RRP1B: variants seen among roughly 807,000 people sequenced by gnomAD.
The protein encoded by RRP1B is ribosomal RNA processing protein 1 homolog B.
RRP1B carries 56 observed loss-of-function variants against 80.2 expected under a neutral mutation model. That is an observed-to-expected ratio of 0.70 (90% confidence interval 0.56 to 0.87). The LOEUF (loss-of-function observed/expected upper bound fraction) is 0.87. RRP1B is among the 40% of genes least tolerant of loss of function. RRP1B has a pLI of 0.00. For synonymous variants in RRP1B, 351 were observed against 357.6 expected, an observed-to-expected ratio of 0.98 and a Z score of 0.21; for missense variants, 807 against 939.8, an observed-to-expected ratio of 0.86 and a Z score of 1.85.
chr21:43,691,610 C>T lies in RRP1B; in HGVS notation c.2083+108C>T. 1.2e-6 allele frequency: 1 copy of T among 805,786 alleles called. No homozygotes were observed. Among genetic ancestry groups the T allele is most frequent in the Non-Finnish European group, 2.1e-6 (1 of 480,502 alleles). The allele number at this position is 805,786 out of a possible 1,614,324, so 49.9% of individuals were successfully genotyped here. Reference sequence around the variant, plus strand: ...CGGTCGGGGAAGAGGGGGGTCCTAGCTCCTCACTGCCCATTTCTTTATTTT... The same window carrying T: ...CGGTCGGGGAAGAGGGGGGTCCTAGTTCCTCACTGCCCATTTCTTTATTTT... On this transcript the variant is annotated intron_variant, in intron 15 of 15. Coordinates refer to ENST00000340648, the MANE Select transcript of RRP1B (RefSeq NM_015056.3). This position sits in a 1 kb window ranked among gnomAD's most constrained non-coding sequence, Gnocchi z 4.2.
intron 8 of RRP1B, among the ~76,000 whole-genome samples, chr21:43,679,966 G>C (rs2083036872): frequency 6.6e-6 from 1 of 152,120 alleles, no homozygotes; most frequent in South Asian, 2.1e-4. Flanking sequence ...GTAGAAGGGA[G>C]TAAGTTCTTG....
chr21:43,684,458 T>G, intron 9 of RRP1B, 95 bp from the exon 10 acceptor site: 1 of 1,056,030 alleles, frequency 9.5e-7, no homozygotes. Context: ...TGCCAAATGC[T>G]TCAGTAAGGG....
rs532471501 is a variant in RRP1B, at chr21:43,663,732, A to AT, written c.130+3945dup. ...ACCACCATGCCCAGCTAATTTTTGT[A>AT]TTTTTTTAGTAGAGACAGGGTTTCA... is the stretch of plus-strand genomic sequence containing the variant. On this transcript the variant is annotated intron_variant, in intron 1 of 15. Coordinates refer to ENST00000340648, the MANE Select transcript of RRP1B (RefSeq NM_015056.3). Among the ~76,000 whole-genome samples the AT allele has an allele frequency of 1.6e-3, 240 of 147,250 alleles. 2 individuals carry two copies. Among genetic ancestry groups the AT allele is most frequent in the African/African-American group, 5.7e-3 (224 of 39,586 alleles).
intron 2 of RRP1B, among the ~76,000 whole-genome samples, chr21:43,670,453 G>A (rs2082995264): frequency 6.6e-6 from 1 of 152,240 alleles, no homozygotes; most frequent in African/African-American, 2.4e-5. Context: ...AGCAGGCTCG[G>A]TCTCTCTGTG....
intron 2 of RRP1B, 67 bp downstream of exon 2, chr21:43,670,033 C>T: frequency 1.7e-6 from 2 of 1,150,200 alleles, no homozygotes; most frequent in South Asian, 2.9e-5. Context: ...CTTGATCACT[C>T]ATGCTGTGCC....
chr21:43,675,217 A>G, intron 6 of RRP1B, 54 bp downstream of exon 6: 1 of 1,582,100 alleles, frequency 6.3e-7, no homozygotes, highest in Non-Finnish European at 8.6e-7. Flanking sequence ...CAGTGTTCGC[A>G]GTAGTCGCCA....
rs553326702 is a variant in RRP1B, at chr21:43,693,069, A to T, written c.2084-121A>T. The T allele has an allele frequency of 2.1e-6, 2 of 966,166 alleles. No homozygotes were observed. The highest frequency in any genetic ancestry group is 1.7e-5 in the African/African-American group (1 of 60,432). The allele number at this position is 966,166 out of a possible 1,614,324, so 59.8% of individuals were successfully genotyped here. On this transcript the variant is annotated intron_variant, in intron 15 of 15. Coordinates refer to ENST00000340648, the MANE Select transcript of RRP1B (RefSeq NM_015056.3). The surrounding 1 kb of genome is among the most constrained non-coding windows in gnomAD (Gnocchi z 4.1). ...GGCCTGCTCTCTGCAGGGCCTTGAG[A>T]TGGCCCTGCTTCGTCCTAGCAAGTG...
chr21:43,684,254 G>C (rs896413268), intron 9 of RRP1B, among the ~76,000 whole-genome samples: 1 of 151,772 alleles, frequency 6.6e-6, no homozygotes, highest in African/African-American at 2.4e-5. Flanking sequence ...TGTATTTTTA[G>C]TAGAGACGGG....
At chr21:43,680,586 T>C (rs1411852363) in intron 8 of RRP1B, among the ~76,000 whole-genome samples, 2 of 150,400 alleles carry the variant, frequency 1.3e-5, no homozygotes, top group African/African-American at 2.4e-5. Context: ...AGAGAGACAG[T>C]GTCTTGCTCT....
At chr21:43,688,935 A>G (rs2083075395) in intron 13 of RRP1B, among the ~76,000 whole-genome samples, 1 of 152,224 alleles carries the variant, frequency 6.6e-6, no homozygotes. Context: ...AATTACAGAT[A>G]CACATCACCA....
chr21:43,665,742 C>A (rs958535925), intron 1 of RRP1B, among the ~76,000 whole-genome samples: 9 of 152,038 alleles, frequency 5.9e-5, no homozygotes, highest in Non-Finnish European at 1.2e-4. Flanking sequence ...CTTCCTCCTC[C>A]CTTGCTATGT....
chr21:43,680,639 C>G (rs770773869), intron 8 of RRP1B, among the ~76,000 whole-genome samples: 1 of 152,118 alleles, frequency 6.6e-6, no homozygotes, highest in Non-Finnish European at 1.5e-5. Flanking sequence ...TGGTTTATTG[C>G]GGCCTCAACC....
Position 43,676,896 on chromosome 21 carries a change from G to A in RRP1B, c.778G>A (p.Val260Ile), listed in dbSNP as rs946669877. Residue 260 changes from valine (V) to isoleucine (I), a missense_variant, in exon 8 of 16, where the codon GTC becomes ATC. Transcript: ENST00000340648. ...PENEVSLRRA[V>I]SKKKTALGKN... ...AAATGAGGTATCCTTGAGAAGAGCTGTCAGTAAAAAGAAGACAGGTAGGAG... is the reference window on the plus strand; with the variant it reads ...AAATGAGGTATCCTTGAGAAGAGCTATCAGTAAAAAGAAGACAGGTAGGAG... The A allele has an allele frequency of 7.4e-6, 12 of 1,614,206 alleles. No individual in the cohort carries two copies. The highest frequency in any genetic ancestry group is 1.0e-5 in the Non-Finnish European group (12 of 1,180,016).
Position 43,687,890 on chromosome 21 carries a change from C to A in RRP1B, c.1516C>A (p.His506Asn). ...GTCTCAGAGTGGCCCGAGTGGCAGT[C>A]ATCCTCAGGGACCTAGAGGGTCCCC... Reference protein sequence around the residue: ...DMSQSGPSGSHPQGPRGSPTG... With the variant: ...DMSQSGPSGSNPQGPRGSPTG... Residue 506 changes from histidine (H) to asparagine (N), a missense_variant, in exon 13 of 16, where the codon CAT becomes AAT. Physicochemically the swap from His to Asn is moderately conservative, Grantham distance 68. Transcript: ENST00000340648. The A allele has an allele frequency of 6.2e-7, 1 of 1,613,276 alleles. No individual in the cohort carries two copies. Among genetic ancestry groups the A allele is most frequent in the South Asian group, 1.1e-5 (1 of 91,084 alleles).
intron 8 of RRP1B, among the ~76,000 whole-genome samples, chr21:43,681,357 ATT>A (rs1403699923): frequency 2.1e-5 from 3 of 141,674 alleles, no homozygotes; most frequent in African/African-American, 2.6e-5. Flanking sequence ...ACGGGAAGTA[ATT>A]TTTTTTTTTT....
At chr21:43,675,879 ATT>A (rs2083019976) in intron 6 of RRP1B, among the ~76,000 whole-genome samples, 1 of 150,284 alleles carries the variant, frequency 6.7e-6, no homozygotes, top group South Asian at 2.1e-4. Flanking sequence ...ATTTTATTTT[ATT>A]TTATTTTATT....
chr21:43,691,561 G>A lies in RRP1B; in HGVS notation c.2083+59G>A, dbSNP rs1476503195. 25 of 1,508,084 alleles carry A rather than the reference G, an allele frequency of 1.7e-5. No homozygotes were observed. The highest frequency in any genetic ancestry group is 2.3e-5 in the South Asian group (2 of 88,506). The allele number at this position is 1,508,084 out of a possible 1,614,324, so 93.4% of individuals were successfully genotyped here. On this transcript the variant is annotated intron_variant, in intron 15 of 15. Coordinates refer to ENST00000340648, the MANE Select transcript of RRP1B (RefSeq NM_015056.3). The surrounding 1 kb of genome is among the most constrained non-coding windows in gnomAD (Gnocchi z 4.2). ...GGAGCACAGCTGCAGCTCCTGGCGC[G>A]GCTCGCAGCCTGGTTCCACAAGGCG...
chr21:43,684,549 C>T lies in RRP1B; in HGVS notation c.892-4C>T, dbSNP rs1392776433. 6.2e-7 allele frequency: 1 copy of T among 1,613,408 alleles called. No individual in the cohort carries two copies. Among genetic ancestry groups the T allele is most frequent in the African/African-American group, 1.3e-5 (1 of 74,912 alleles). On this transcript the variant is annotated splice_polypyrimidine_tract_variant and splice_region_variant and intron_variant, in intron 9 of 15. Transcript: ENST00000340648. ...ACTTATGTTTAGTTTCTCTTCCTGC[C>T]TAGTTTGACTATAAGGCTGTTGCTG...
At chr21:43,673,634 CAAAAAAAAAAAA>C (rs557525643) in intron 3 of RRP1B, among the ~76,000 whole-genome samples, 1 of 66,076 alleles carries the variant, frequency 1.5e-5, no homozygotes, top group African/African-American at 3.9e-5. Flanking sequence ...ACCCCGTCTC[CAAAAAAAAAAAA>C]AAAAAAAAGT....
Sources: allele counts gnomAD v4.1 joint callset (sites outside exome capture counted in the v4.1 genomes callset), GRCh38; gene constraint gnomAD v4.1.1; non-coding constraint Gnocchi (gnomAD v3.1); transcripts MANE v1.5; gene names NCBI Gene and HGNC (gene_info 2026-07-23, HGNC 2026-07-21).